Variants in SLA2 observed in about 807,000 individuals in gnomAD.
The protein encoded by SLA2 is src-like-adapter 2.
A neutral mutation model predicts 27.3 loss-of-function variants in SLA2; 22 were observed. The observed-to-expected ratio is 0.81, with a 90% CI of 0.58 to 1.15. The LOEUF (loss-of-function observed/expected upper bound fraction) is 1.15, where lower values mean the gene tolerates loss of function less well. Among genes scored for constraint, SLA2 ranks in the 50% most tolerant of loss-of-function variants. The pLI, the probability that SLA2 is intolerant of heterozygous loss-of-function variation, is 0.00. For synonymous variants in SLA2, 131 were observed against 137.8 expected (o/e 0.95, Z 0.34); for missense variants, 304 against 322.2 (o/e 0.94, Z 0.43).
intron 5 of SLA2, among the ~76,000 whole-genome samples, chr20:36,627,182 T>C (rs1455791152): frequency 4.6e-5 from 7 of 151,994 alleles, no homozygotes; most frequent in Non-Finnish European, 1.5e-5. Context: ...GAGGGAACAG[T>C]GGAAGCTGTG....
chr20:36,634,635 C>G (rs1265645817), intron 2 of SLA2, 46 bp from the exon 3 acceptor site: 1 of 1,330,384 alleles, frequency 7.5e-7, no homozygotes, highest in Admixed American at 1.9e-5. Flanking sequence ...TAGCCCTGCT[C>G]CACGCATGAG....
At chr20:36,617,250 C>G (rs1319091479) in intron 5 of SLA2, among the ~76,000 whole-genome samples, 3 of 151,398 alleles carry the variant, frequency 2.0e-5, no homozygotes, top group Non-Finnish European at 2.9e-5. Flanking sequence ...GCCTGTAGTC[C>G]CAGCTACTTG....
chr20:36,631,453 C>T (rs886728035), intron 5 of SLA2, among the ~76,000 whole-genome samples: 2 of 152,190 alleles, frequency 1.3e-5, no homozygotes, highest in Non-Finnish European at 2.9e-5. Context: ...AGTGCCCGGC[C>T]TGTATTATTT....
In SLA2 at chr20:36,629,477, C is replaced by CAA. The variant is rs35859171; in HGVS notation, c.382+3116_382+3117dup. ...CAAAACCCCGTTTCTACTAAAAATA[C>CAA]AAAAAAAAAAAAATAGTCCGGTGCA... On this transcript the variant is annotated intron_variant, in intron 5 of 7. Transcript: ENST00000262866. Among the ~76,000 whole-genome samples, 1,110 of 141,596 alleles carry CAA rather than the reference C, an allele frequency of 7.8e-3. 12 individuals carry two copies. The highest frequency in any genetic ancestry group is 0.019 in the African/African-American group (749 of 38,784). The allele number at this position is 141,596 out of a possible 152,430, so 92.9% of individuals were successfully genotyped here.
In SLA2 at chr20:36,625,216, A is replaced by ATTTTTTTTTTTTT. The variant is rs71186005; in HGVS notation, c.382+7366_382+7378dup. Among the ~76,000 whole-genome samples, 78 of 78,484 alleles carry ATTTTTTTTTTTTT rather than the reference A, an allele frequency of 9.9e-4. 3 individuals are homozygous for ATTTTTTTTTTTTT. Among genetic ancestry groups the ATTTTTTTTTTTTT allele is most frequent in the African/African-American group, 4.0e-3 (75 of 18,706 alleles). The allele number at this position is 78,484 out of a possible 152,430, so 51.5% of individuals were successfully genotyped here. On this transcript the variant is annotated intron_variant, in intron 5 of 7. Coordinates refer to ENST00000262866, the MANE Select transcript of SLA2 (RefSeq NM_032214.4). Reference sequence around the variant, plus strand: ...TATTCTCATCAGACCACGTACCCTGATTTTTTTTTTTTTTTTTTTTTTTGA... The same window carrying ATTTTTTTTTTTTT: ...TATTCTCATCAGACCACGTACCCTGATTTTTTTTTTTTTTTTTTTTTTTTTTTTTTTTTTTTGA...
chr20:36,641,593 G>A (rs2039507374), intron 1 of SLA2, among the ~76,000 whole-genome samples: 1 of 152,026 alleles, frequency 6.6e-6, no homozygotes, highest in Non-Finnish European at 1.5e-5. Flanking sequence ...TGCCACAACA[G>A]GCTCAACTTT....
chr20:36,640,079 G>A (rs376719023), intron 2 of SLA2, among the ~76,000 whole-genome samples: 6 of 151,840 alleles, frequency 4.0e-5, no homozygotes, highest in Admixed American at 6.6e-5. Context: ...AGGCCAAGGC[G>A]GGAGGATCAT....
chr20:36,634,135 C>G (rs1261950994), intron 3 of SLA2, among the ~76,000 whole-genome samples: 3 of 151,870 alleles, frequency 2.0e-5, no homozygotes, highest in African/African-American at 4.8e-5. Flanking sequence ...TTACAGGCGT[C>G]TGCCACCAAG....
Position 36,632,680 on chromosome 20 carries a change from C to G in SLA2, c.297G>C (p.Leu99=), listed in dbSNP as rs768316009. The change falls in exon 5 of 8, where the codon CTG becomes CTC. Residue 99 remains leucine (L), a synonymous_variant. Coordinates refer to ENST00000262866, the MANE Select transcript of SLA2 (RefSeq NM_032214.4). ...KVSHGWLYEG[L]SREKAEELLL... is the part of the protein sequence containing the mutation. ...GCAGTTCCTCTGCTTTCTCCCTGCT[C>G]AGGCCCTCATACAGCCACCTGGCGG... is the stretch of plus-strand genomic sequence containing the variant. The G allele has an allele frequency of 1.9e-6, 3 of 1,614,122 alleles. No homozygotes were observed. Among genetic ancestry groups the G allele is most frequent in the Non-Finnish European group, 2.5e-6 (3 of 1,180,020 alleles).
chr20:36,637,849 G>A (rs1472663683), intron 2 of SLA2, among the ~76,000 whole-genome samples: 2 of 142,896 alleles, frequency 1.4e-5, no homozygotes, highest in African/African-American at 2.6e-5. Context: ...GGTTGATCTC[G>A]AACTCTTGAC....
intron 5 of SLA2, among the ~76,000 whole-genome samples, chr20:36,617,185 C>T (rs1441584390): frequency 2.7e-5 from 4 of 150,822 alleles, no homozygotes; most frequent in African/African-American, 9.8e-5. Context: ...TGGCGAAACC[C>T]TGCCTCTACT....
At chr20:36,614,510 G>T in intron 6 of SLA2, 73 bp from the exon 7 acceptor site, 1 of 1,518,510 alleles carries the variant, frequency 6.6e-7, no homozygotes, top group Non-Finnish European at 8.8e-7. Flanking sequence ...CACCCTGACA[G>T]CCCTCTGCAG....
chr20:36,628,677 C>T (rs2039363234), intron 5 of SLA2, among the ~76,000 whole-genome samples: 1 of 151,924 alleles, frequency 6.6e-6, no homozygotes, highest in Non-Finnish European at 1.5e-5. Flanking sequence ...TCCCAAGTAG[C>T]TTAGACAACA....
Position 36,615,410 on chromosome 20 carries a change from C to T in SLA2, c.383-36G>A, listed in dbSNP as rs758645124. 1.9e-5 allele frequency: 30 copies of T among 1,611,024 alleles called. No individual in the cohort carries two copies. The Middle Eastern group carries it at 8.3e-4, about 45-fold the overall frequency. ...AGGGGTCCAGGGGTGGCACTGAGGCCCTGCTGGGACTCGGCCCCACCTAGG... is the reference window on the plus strand; with the variant it reads ...AGGGGTCCAGGGGTGGCACTGAGGCTCTGCTGGGACTCGGCCCCACCTAGG... On this transcript the variant is annotated intron_variant, in intron 5 of 7. Coordinates refer to ENST00000262866, the MANE Select transcript of SLA2 (RefSeq NM_032214.4).
intron 5 of SLA2, among the ~76,000 whole-genome samples, chr20:36,631,846 A>G (rs1002960450): frequency 2.6e-5 from 4 of 152,188 alleles, no homozygotes; most frequent in Non-Finnish European, 5.9e-5. Flanking sequence ...TGCTGAATGA[A>G]TGAACATGGA....
Position 36,634,479 on chromosome 20 carries a change from C to T in SLA2, c.191+11G>A, listed in dbSNP as rs762170793. On this transcript the variant is annotated intron_variant, in intron 3 of 7. Transcript: ENST00000262866. Reference sequence around the variant, plus strand: ...AGTGCATATTCAGGTATCCAGTGCCCATGGACTTACTCAGAGACGATGGTC... The same window carrying T: ...AGTGCATATTCAGGTATCCAGTGCCTATGGACTTACTCAGAGACGATGGTC... The T allele has an allele frequency of 6.3e-7, 1 of 1,595,362 alleles. No homozygotes were observed. The highest frequency in any genetic ancestry group is 8.6e-7 in the Non-Finnish European group (1 of 1,166,404).
chr20:36,616,694 A>G (rs1286587797), intron 5 of SLA2, among the ~76,000 whole-genome samples: 2 of 152,106 alleles, frequency 1.3e-5, no homozygotes, highest in African/African-American at 2.4e-5. Flanking sequence ...GTGCAGTGGC[A>G]TGATCACAGC....
intron 5 of SLA2, among the ~76,000 whole-genome samples, chr20:36,628,201 T>C (rs2039358535): frequency 6.6e-6 from 1 of 152,196 alleles, no homozygotes; most frequent in Admixed American, 6.5e-5. Context: ...TGATGAGTCC[T>C]GTACACTCAA....
intron 3 of SLA2, 58 bp from the exon 4 acceptor site, chr20:36,633,687 A>G (rs1193787143): frequency 6.9e-7 from 1 of 1,444,116 alleles, no homozygotes; most frequent in African/African-American, 1.4e-5. Flanking sequence ...CCCGACAACC[A>G]CACATTCAGG....
Sources: gnomAD v4.1 joint callset for allele counts (sites outside exome capture counted in the v4.1 genomes callset) on GRCh38, gnomAD v4.1.1 for gene constraint, MANE v1.5 for transcripts, NCBI Gene and HGNC (gene_info 2026-07-23, HGNC 2026-07-21) for gene names.